Variants in SAAL1 observed in about 807,000 individuals in gnomAD.
The protein encoded by SAAL1 is serum amyloid A like 1.
Under a neutral mutation model 59.8 loss-of-function variants are expected in SAAL1, and 42 were observed. The observed-to-expected ratio is 0.70, with a 90% CI of 0.55 to 0.91. SAAL1 has a LOEUF of 0.91. Ranked by LOEUF, SAAL1 falls within the 40% of genes least tolerant of loss-of-function variation. SAAL1 has a pLI of 0.00. For missense variants in SAAL1, 542 were observed against 561.1 expected (o/e 0.97, Z 0.34); for synonymous variants, 191 against 194.3 (o/e 0.98, Z 0.14).
At chr11:18,100,233 C>G (rs1848621244) in intron 2 of SAAL1, among the ~76,000 whole-genome samples, 1 of 152,218 alleles carries the variant, frequency 6.6e-6, no homozygotes, top group Non-Finnish European at 1.5e-5. Flanking sequence ...CACCCAGCAA[C>G]AGCAGAACAC....
At chr11:18,087,430 A>G (rs1380034184) in intron 7 of SAAL1, among the ~76,000 whole-genome samples, 1 of 152,230 alleles carries the variant, frequency 6.6e-6, no homozygotes, top group Non-Finnish European at 1.5e-5. Flanking sequence ...CAAATATTAT[A>G]TAATATAATC....
At chr11:18,095,106 G>A (rs540702646) in intron 3 of SAAL1, among the ~76,000 whole-genome samples, 94 of 152,298 alleles carry the variant, frequency 6.2e-4, no homozygotes, top group African/African-American at 2.2e-3. Context: ...ACTCTGGAGG[G>A]AGGCTCGGCA....
In SAAL1 at chr11:18,089,440, T is replaced by C; in HGVS notation, c.660A>G (p.Glu220=). ...LFDLDEKLML[E]WVRNGAAQPL... Reference sequence around the variant, plus strand: ...GCTGAGCAGCCCCATTTCTGACCCATTCTAACATTAGTTTCTCATCCAAAT... The same window carrying C: ...GCTGAGCAGCCCCATTTCTGACCCACTCTAACATTAGTTTCTCATCCAAAT... Residue 220 remains glutamate (E), a synonymous_variant, in exon 7 of 12, where the codon GAA becomes GAG. Coordinates refer to ENST00000524803, the MANE Select transcript of SAAL1 (RefSeq NM_138421.3). 3 of 1,612,894 alleles carry C rather than the reference T, an allele frequency of 1.9e-6. No homozygotes were observed. Among genetic ancestry groups the C allele is most frequent in the African/African-American group, 1.3e-5 (1 of 74,954 alleles).
At chr11:18,089,649 T>G (rs931229213) in intron 6 of SAAL1, 139 bp from the exon 7 acceptor site, 3 of 666,126 alleles carry the variant, frequency 4.5e-6, no homozygotes, top group Non-Finnish European at 7.2e-6. Context: ...TTACTTATCT[T>G]TTATGTTTAA....
Position 18,089,340 on chromosome 11 carries a change from T to C in SAAL1, c.760A>G (p.Lys254Glu), listed in dbSNP as rs1848498653. Residue 254 changes from lysine to glutamate, a missense_variant, in exon 7 of 12, where the codon AAA becomes GAA. Coordinates refer to ENST00000524803, the MANE Select transcript of SAAL1 (RefSeq NM_138421.3). ...AAAGAGCTCACCTACCGTACTTGTT[T>C]GGCAGCTTCAAGTATACAGGGCACA... ...RLVPCILEAA[K>E]QVRSENPEWL... is the part of the protein sequence containing the mutation. 5.2e-6 allele frequency: 8 copies of C among 1,549,320 alleles called. No homozygotes were observed. Among genetic ancestry groups the C allele is most frequent in the African/African-American group, 1.4e-5 (1 of 71,172 alleles).
rs1590286932 is a variant in SAAL1, at chr11:18,090,511, TTAACCGATA to T, written c.414-27_414-19del. On this transcript the variant is annotated intron_variant, in intron 4 of 11. Coordinates refer to ENST00000524803, the MANE Select transcript of SAAL1 (RefSeq NM_138421.3). Reference sequence around the variant, plus strand: ...ACACCTGCCTACAAAAACAAAGAAGTTAACCGATATGCCTCACTTCTCGCATTTAAAATA... The same window carrying T: ...ACACCTGCCTACAAAAACAAAGAAGTTGCCTCACTTCTCGCATTTAAAATA... 2 of 1,598,540 alleles carry T rather than the reference TTAACCGATA, an allele frequency of 1.3e-6. No individual in the cohort carries two copies. The highest frequency in any genetic ancestry group is 4.5e-5 in the East Asian group (2 of 44,766).
intron 4 of SAAL1, among the ~76,000 whole-genome samples, chr11:18,091,262 G>A (rs931600182): frequency 6.9e-6 from 1 of 143,928 alleles, no homozygotes; most frequent in Non-Finnish European, 1.5e-5. Context: ...AACTAAAGTG[G>A]TTCAACAAAT....
intron 9 of SAAL1, among the ~76,000 whole-genome samples, chr11:18,086,134 T>G (rs372667596): frequency 6.6e-6 from 1 of 152,236 alleles, no homozygotes; most frequent in Non-Finnish European, 1.5e-5. Flanking sequence ...CAGGGTGCAG[T>G]GGCTCATGCC....
chr11:18,081,649 CT>C (rs1213104170), intron 10 of SAAL1, 146 bp from the exon 11 acceptor site: 3 of 628,176 alleles, frequency 4.8e-6, no homozygotes, highest in South Asian at 3.8e-5. Flanking sequence ...ATCAAGGAGG[CT>C]TATGTAACCC....
chr11:18,097,275 G>C (rs1309657954), intron 2 of SAAL1, among the ~76,000 whole-genome samples: 1 of 151,086 alleles, frequency 6.6e-6, no homozygotes, highest in Non-Finnish European at 1.5e-5. Context: ...TAGAATTTTA[G>C]ACACAAGAAA....
chr11:18,082,585 G>A (rs1490472296), intron 10 of SAAL1, among the ~76,000 whole-genome samples: 3 of 147,946 alleles, frequency 2.0e-5, no homozygotes, highest in Admixed American at 6.6e-5. Context: ...GAAAAGGGAA[G>A]CAAGACAACT....
rs781024634 is a variant in SAAL1, at chr11:18,083,603, A to C, written c.1171T>G (p.Phe391Val). The C allele has an allele frequency of 6.2e-7, 1 of 1,604,404 alleles. No homozygotes were observed. The highest frequency in any genetic ancestry group is 1.1e-5 in the South Asian group (1 of 90,554). The change falls in exon 10 of 12, where the codon TTC becomes GTC. Residue 391 changes from phenylalanine to valine, a missense_variant. Physicochemically the swap from Phe to Val is conservative, Grantham distance 50. Coordinates refer to ENST00000524803, the MANE Select transcript of SAAL1 (RefSeq NM_138421.3). The stretch of plus-strand genomic sequence containing the variant: ...ATATCCTTTAAGATTTTCAAGTGGA[A>C]ATCATCTTGGGTTAAATCAGTCCTT... ...TKRTDLTQDD[F>V]HLKILKDILC...
At chr11:18,080,532 G>T in intron 11 of SAAL1, 41 bp from the exon 12 acceptor site, 1 of 1,394,300 alleles carries the variant, frequency 7.2e-7, no homozygotes, top group South Asian at 1.3e-5. Flanking sequence ...ACACAGAAGA[G>T]AAAAACGTGC....
chr11:18,092,109 A>G, intron 4 of SAAL1, 136 bp downstream of exon 4: 1 of 554,198 alleles, frequency 1.8e-6, no homozygotes, highest in South Asian at 2.9e-5. Context: ...ATCAACACAC[A>G]ATGAAGTTCC....
At chr11:18,087,609 T>G (rs1187469592) in intron 7 of SAAL1, among the ~76,000 whole-genome samples, 1 of 152,230 alleles carries the variant, frequency 6.6e-6, no homozygotes, top group African/African-American at 2.4e-5. Flanking sequence ...GCATCACGCA[T>G]CAACAATAAT....
chr11:18,105,705 T>A (rs544413076), intron 1 of SAAL1, among the ~76,000 whole-genome samples: 20 of 152,302 alleles, frequency 1.3e-4, no homozygotes, highest in African/African-American at 4.8e-4. Flanking sequence ...CTTCCCTTTG[T>A]GTCGAGAGAC....
chr11:18,089,386 T>C lies in SAAL1; in HGVS notation c.714A>G (p.Glu238=). The C allele has an allele frequency of 6.2e-7, 1 of 1,605,746 alleles. No individual in the cohort carries two copies. Among genetic ancestry groups the C allele is most frequent in the East Asian group, 2.2e-5 (1 of 44,512 alleles). ...QPLDQPQEES[E]EQPVFRLVPC... is the part of the protein sequence containing the mutation. ...GCACAAGCCGAAACACTGGCTGCTC[T>C]TCAGACTCTTCCTGGGGTTGGTCCA... The change falls in exon 7 of 12, where the codon GAA becomes GAG. Residue 238 remains glutamate (E), a synonymous_variant. Transcript: ENST00000524803.
chr11:18,085,407 T>A (rs1376460569), intron 9 of SAAL1, among the ~76,000 whole-genome samples: 3 of 149,712 alleles, frequency 2.0e-5, no homozygotes, highest in African/African-American at 7.5e-5. Context: ...AGAAAATATG[T>A]CACAGACAAT....
In SAAL1 at chr11:18,096,821, G is replaced by A. The variant is rs549373200; in HGVS notation, c.283C>T (p.Pro95Ser). The change falls in exon 3 of 12, where the codon CCT becomes TCT. Residue 95 changes from proline to serine, a missense_variant. Coordinates refer to ENST00000524803, the MANE Select transcript of SAAL1 (RefSeq NM_138421.3). ...VALFLQEFNAPDIFMGVLAKS... is the reference protein window; with the variant it reads ...VALFLQEFNASDIFMGVLAKS... Reference sequence around the variant, plus strand: ...GCCAGTACTCCCATGAATATATCAGGAGCATTAAATTCTTGGAGAAATAAA... The same window carrying A: ...GCCAGTACTCCCATGAATATATCAGAAGCATTAAATTCTTGGAGAAATAAA... 1 of 1,584,088 alleles carries A rather than the reference G, an allele frequency of 6.3e-7. No individual in the cohort carries two copies. Among genetic ancestry groups the A allele is most frequent in the East Asian group, 2.2e-5 (1 of 44,638 alleles).
Sources: allele counts gnomAD v4.1 joint callset (sites outside exome capture counted in the v4.1 genomes callset), GRCh38; gene constraint gnomAD v4.1.1; transcripts MANE v1.5; gene names NCBI Gene and HGNC (gene_info 2026-07-23, HGNC 2026-07-21).